Variants in SCMH1 observed in about 807,000 individuals in gnomAD.
SCMH1 encodes Scm polycomb group protein homolog 1.
Under a neutral mutation model 70.8 loss-of-function variants are expected in SCMH1, and 37 were observed. The ratio of observed to expected loss-of-function variants is 0.52; its 90% CI spans 0.40 to 0.69. The LOEUF (loss-of-function observed/expected upper bound fraction) is 0.69. SCMH1 is among the 30% of genes least tolerant of loss of function. The pLI, the probability that SCMH1 is intolerant of heterozygous loss-of-function variation, is 0.00. For missense variants in SCMH1, 607 were observed against 827.3 expected, an observed-to-expected ratio of 0.73 and a Z score of 3.27; for synonymous variants, 292 against 307.4, an observed-to-expected ratio of 0.95 and a Z score of 0.52.
chr1:41,125,782 G>T (rs2148009112), intron 6 of SCMH1, among the ~76,000 whole-genome samples: 1 of 151,996 alleles, frequency 6.6e-6, no homozygotes, highest in Admixed American at 6.6e-5. Flanking sequence ...TTGCCATGTT[G>T]CCCAGGCTGG....
At chr1:41,068,975 G>T (rs1016889378) in intron 10 of SCMH1, among the ~76,000 whole-genome samples, 4 of 152,122 alleles carry the variant, frequency 2.6e-5, no homozygotes. Context: ...GTATGACATG[G>T]ATAGAATATA....
chr1:41,083,028 GGCC>G, intron 8 of SCMH1, among the ~76,000 whole-genome samples: 1 of 152,108 alleles, frequency 6.6e-6, no homozygotes, highest in Non-Finnish European at 1.5e-5. Context: ...ATACTGAATG[GGCC>G]AACACTGGAA....
At chr1:41,039,738 T>C (rs1201478288) in intron 12 of SCMH1, among the ~76,000 whole-genome samples, 1 of 151,584 alleles carries the variant, frequency 6.6e-6, no homozygotes, top group Non-Finnish European at 1.5e-5. Flanking sequence ...TCTCCCAAAG[T>C]GTTGGGATCA....
intron 10 of SCMH1, among the ~76,000 whole-genome samples, chr1:41,061,405 A>G (rs754644199): frequency 4.6e-5 from 7 of 152,262 alleles, no homozygotes; most frequent in African/African-American, 1.7e-4. Context: ...CCATGCTAAC[A>G]CTAATCAAAA....
intron 13 of SCMH1, among the ~76,000 whole-genome samples, chr1:41,034,650 G>C (rs1023963764): frequency 1.3e-5 from 2 of 151,854 alleles, no homozygotes; most frequent in African/African-American, 4.8e-5. Flanking sequence ...TTCATTGCAG[G>C]CTCTGCTAAT....
intron 8 of SCMH1, among the ~76,000 whole-genome samples, chr1:41,109,432 A>G (rs182041714): frequency 2.0e-3 from 301 of 152,340 alleles, no homozygotes; most frequent in Non-Finnish European, 3.4e-3. Flanking sequence ...CACAGAGAAC[A>G]ACTTGTTTTG....
rs375509188 is a variant in SCMH1, at chr1:41,037,494, G to A, written c.1546C>T (p.His516Tyr). Reference sequence around the variant, plus strand: ...GAGGCAGAGTCCATTGAGTCTGAGTGTGGTTCCAAGGAGCGGGCCAGACTA... The same window carrying A: ...GAGGCAGAGTCCATTGAGTCTGAGTATGGTTCCAAGGAGCGGGCCAGACTA... Residue 516 changes from histidine to tyrosine, a missense_variant, in exon 13 of 15, where the codon CAC becomes TAC. His to Tyr is a moderately conservative substitution (Grantham distance 83). Transcript: ENST00000337495. The A allele has an allele frequency of 3.7e-6, 6 of 1,614,106 alleles. No individual in the cohort carries two copies. The East Asian group carries it at 6.7e-5, about 18-fold the overall frequency.
intron 5 of SCMH1, among the ~76,000 whole-genome samples, chr1:41,151,240 T>C (rs1439719463): frequency 1.3e-5 from 2 of 152,162 alleles, no homozygotes; most frequent in Non-Finnish European, 2.9e-5. Context: ...AAAGATAAGA[T>C]TGTGACAGGA....
At chr1:41,176,168 C>CA (rs1188424798) in intron 2 of SCMH1, among the ~76,000 whole-genome samples, 180 of 43,376 alleles carry the variant, frequency 4.1e-3, no homozygotes, top group Middle Eastern at 0.015. Flanking sequence ...AGACTTGTCT[C>CA]AAAAAAAAAA....
In SCMH1 at chr1:41,094,304, G is replaced by A. The variant is rs79582229; in HGVS notation, c.746-18853C>T. Among the ~76,000 whole-genome samples, 233 of 152,186 alleles carry A rather than the reference G, an allele frequency of 1.5e-3. 1 individual carries two copies. The highest frequency in any genetic ancestry group is 5.2e-3 in the African/African-American group (217 of 41,512). ...GTATATCATTACTATTACTATAGTT[G>A]GTGCCTTGATTTGTGTCAAGGTGCC... On this transcript the variant is annotated intron_variant, in intron 8 of 14. Transcript: ENST00000337495.
chr1:41,234,638 C>T (rs1661991841), intron 1 of SCMH1, among the ~76,000 whole-genome samples: 3 of 151,726 alleles, frequency 2.0e-5, no homozygotes, highest in South Asian at 2.1e-4. Context: ...CCACACCTGG[C>T]TAATTTTTTG....
intron 12 of SCMH1, among the ~76,000 whole-genome samples, chr1:41,039,523 T>A (rs1252870801): frequency 1.3e-5 from 2 of 151,828 alleles, no homozygotes; most frequent in Non-Finnish European, 2.9e-5. Context: ...TCACCCAGGC[T>A]GGAATACAGT....
At chr1:41,068,625 T>G (rs1178891672) in intron 10 of SCMH1, among the ~76,000 whole-genome samples, 1 of 152,094 alleles carries the variant, frequency 6.6e-6, no homozygotes, top group East Asian at 1.9e-4. Flanking sequence ...AGGCTGGTCT[T>G]GAATTCCTGG....
At chr1:41,143,915 T>G (rs1383802874) in intron 5 of SCMH1, among the ~76,000 whole-genome samples, 1 of 152,248 alleles carries the variant, frequency 6.6e-6, no homozygotes, top group Non-Finnish European at 1.5e-5. Flanking sequence ...TATTAGTAAT[T>G]CATTTCCTTT....
At chr1:41,142,847 G>C (rs772590287) in intron 6 of SCMH1, 31 bp downstream of exon 6, 19 of 1,556,158 alleles carry the variant, frequency 1.2e-5, no homozygotes, top group Non-Finnish European at 1.6e-5. Context: ...ATTAATAATT[G>C]GCTAGAAAGA....
At chr1:41,094,888 CAA>C (rs765555747) in intron 8 of SCMH1, among the ~76,000 whole-genome samples, 5 of 120,938 alleles carry the variant, frequency 4.1e-5, no homozygotes, top group African/African-American at 3.1e-5. Flanking sequence ...GACTCTGCCT[CAA>C]AAAAAAAAAA....
At chr1:41,093,374 G>A (rs1265248103) in intron 8 of SCMH1, among the ~76,000 whole-genome samples, 2 of 125,150 alleles carry the variant, frequency 1.6e-5, no homozygotes, top group Non-Finnish European at 3.3e-5. Flanking sequence ...GCTGTCATGG[G>A]GTGGGGGGAG....
intron 1 of SCMH1, among the ~76,000 whole-genome samples, chr1:41,224,172 G>C (rs11581707): frequency 0.059 from 9,011 of 152,110 alleles, 355 homozygotes; most frequent in South Asian, 0.12. Flanking sequence ...TAGAATAGAA[G>C]CTTTCCTCAT....
intron 12 of SCMH1, among the ~76,000 whole-genome samples, chr1:41,041,886 A>G (rs1340475618): frequency 1.3e-5 from 2 of 152,168 alleles, no homozygotes; most frequent in Non-Finnish European, 2.9e-5. Context: ...TGCTGGGTAG[A>G]TTTCAATTAC....
Sources: allele counts gnomAD v4.1 joint callset (sites outside exome capture counted in the v4.1 genomes callset), GRCh38; gene constraint gnomAD v4.1.1; transcripts MANE v1.5; gene names NCBI Gene and HGNC (gene_info 2026-07-23, HGNC 2026-07-21).